PLPPR5: variants seen among roughly 807,000 people sequenced by gnomAD.
PLPPR5 encodes the protein phospholipid phosphatase related 5, also known as phospholipid phosphatase-related protein type 5.
Under a neutral mutation model 33.9 loss-of-function variants are expected in PLPPR5, and 16 were observed. That is an observed-to-expected ratio of 0.47 (90% CI 0.32 to 0.72). The LOEUF (loss-of-function observed/expected upper bound fraction) is 0.72. Ranked by LOEUF, PLPPR5 falls within the 30% of genes least tolerant of loss-of-function variation. The probability of loss-of-function intolerance (pLI) is 0.03; values close to 1 mark genes in which losing one functional copy is unlikely to be tolerated. For synonymous variants in PLPPR5, 163 were observed against 150.3 expected, an observed-to-expected ratio of 1.08 and a Z score of -0.62; for missense variants, 301 against 406.7, an observed-to-expected ratio of 0.74 and a Z score of 2.23.
chr1:98,942,683 C>G (rs1005612570), intron 3 of PLPPR5, among the ~76,000 whole-genome samples: 1 of 152,128 alleles, frequency 6.6e-6, no homozygotes, highest in Non-Finnish European at 1.5e-5. Context: ...GGTGAATTTC[C>G]TGAATTGTCT....
chr1:98,976,997 A>G (rs1453092983), intron 1 of PLPPR5, among the ~76,000 whole-genome samples: 1 of 152,058 alleles, frequency 6.6e-6, no homozygotes, highest in Non-Finnish European at 1.5e-5. Flanking sequence ...TGGAGGAGAC[A>G]GCTGCATAGG....
chr1:98,991,787 C>T (rs1652459571), intron 1 of PLPPR5, among the ~76,000 whole-genome samples: 1 of 152,124 alleles, frequency 6.6e-6, no homozygotes, highest in Non-Finnish European at 1.5e-5. Flanking sequence ...CCTGGGGAAG[C>T]AATGAGTCAG....
intron 3 of PLPPR5, among the ~76,000 whole-genome samples, chr1:98,937,410 G>A (rs1557676032): frequency 6.6e-6 from 1 of 152,136 alleles, no homozygotes; most frequent in Non-Finnish European, 1.5e-5. Context: ...CAATTTGCTT[G>A]TATCAAGAAA....
intron 1 of PLPPR5, among the ~76,000 whole-genome samples, chr1:98,980,386 T>C (rs886952624): frequency 2.0e-5 from 3 of 152,126 alleles, no homozygotes; most frequent in African/African-American, 2.4e-5. Context: ...ATAAAACTTA[T>C]GCAAATCCAA....
In PLPPR5 at chr1:98,978,511, T is replaced by C. The variant is rs112085689; in HGVS notation, c.238-21770A>G. Among the ~76,000 whole-genome samples, 190 of 152,162 alleles carry C rather than the reference T, an allele frequency of 1.2e-3. 1 individual carries two copies. Among genetic ancestry groups the C allele is most frequent in the Middle Eastern group, 6.8e-3 (2 of 294 alleles). ...AGACTAAGTAGAAGAAACATGCTCC[T>C]TGTCTTCAAAACTCCCCATGGACCC... On this transcript the variant is annotated intron_variant, in intron 1 of 5. Coordinates refer to ENST00000263177, the MANE Select transcript of PLPPR5 (RefSeq NM_001037317.2).
rs1024210397 is a variant in PLPPR5, at chr1:98,953,423, G to T, written c.371-103C>A. On this transcript the variant is annotated intron_variant, in intron 2 of 5. Coordinates refer to ENST00000263177, the MANE Select transcript of PLPPR5 (RefSeq NM_001037317.2). ...TTTCAGTTTACAATAAACCAAAATG[G>T]AAATATTTTAGAAACTATAAAATAT... 29 of 1,442,700 alleles carry T rather than the reference G, an allele frequency of 2.0e-5. No homozygotes were observed. In the African/African-American group the frequency reaches 4.0e-4, roughly 20 times the overall value. 89.4% of individuals were successfully genotyped at this position (1,442,700 alleles called of 1,614,324 possible). A position where few individuals can be genotyped will look rare whatever the true frequency, so the allele number is the denominator to read the frequency against.
intron 1 of PLPPR5, among the ~76,000 whole-genome samples, chr1:98,974,057 T>C (rs749753704): frequency 6.6e-6 from 1 of 151,990 alleles, no homozygotes; most frequent in South Asian, 2.1e-4. Context: ...AAAGGGCACA[T>C]GCAAATAATG....
Position 99,004,680 on chromosome 1 carries a change from C to CCCGGGCCGGGCCGAG in PLPPR5, c.-24_-10dup. On this transcript the variant is annotated 5_prime_UTR_variant, in exon 1 of 6. Coordinates refer to ENST00000263177, the MANE Select transcript of PLPPR5 (RefSeq NM_001037317.2). ...GCGGGCAGCAGGGGCATGCACGCCTCCCGGGCCGGGCCGAGCCGAGCCGAG... is the reference window on the plus strand; with the variant it reads ...GCGGGCAGCAGGGGCATGCACGCCTCCCGGGCCGGGCCGAGCCGGGCCGGGCCGAGCCGAGCCGAG... 6.3e-7 allele frequency: 1 copy of CCCGGGCCGGGCCGAG among 1,588,068 alleles called. No individual in the cohort carries two copies.
At chr1:98,964,980 T>C (rs1651380113) in intron 1 of PLPPR5, among the ~76,000 whole-genome samples, 1 of 150,638 alleles carries the variant, frequency 6.6e-6, no homozygotes. Flanking sequence ...TTGATTTTTT[T>C]TTTTTTTTTT....
intron 5 of PLPPR5, among the ~76,000 whole-genome samples, chr1:98,905,099 A>T (rs1027846070): frequency 6.6e-6 from 1 of 152,072 alleles, no homozygotes; most frequent in African/African-American, 2.4e-5. Flanking sequence ...CTGCTCTCTT[A>T]TTCTCCTCTC....
Position 99,003,816 on chromosome 1 carries a change from C to T in PLPPR5, c.237+619G>A, listed in dbSNP as rs1339501728. Among the ~76,000 whole-genome samples the T allele has an allele frequency of 2.0e-5, 3 of 152,356 alleles. No individual in the cohort carries two copies. In the East Asian group the frequency reaches 5.8e-4, roughly 29 times the overall value. ...AAGTGCTCTTGTAATTGAGGTACAGCTCCTGCTTTTCAGCAAAGCACTGGT... is the reference window on the plus strand; with the variant it reads ...AAGTGCTCTTGTAATTGAGGTACAGTTCCTGCTTTTCAGCAAAGCACTGGT... On this transcript the variant is annotated intron_variant, in intron 1 of 5. Coordinates refer to ENST00000263177, the MANE Select transcript of PLPPR5 (RefSeq NM_001037317.2).
intron 3 of PLPPR5, among the ~76,000 whole-genome samples, chr1:98,933,010 C>A (rs903406998): frequency 2.0e-5 from 3 of 152,120 alleles, no homozygotes; most frequent in Non-Finnish European, 2.9e-5. Context: ...CCCATTGATA[C>A]CTCCAGTGTG....
rs545183201 is a variant in PLPPR5, at chr1:98,961,809, T to C, written c.238-5068A>G. On this transcript the variant is annotated intron_variant, in intron 1 of 5. Coordinates refer to ENST00000263177, the MANE Select transcript of PLPPR5 (RefSeq NM_001037317.2). ...CAGTGAGTTACAGACCTAAGTTCTA[T>C]ATTATCTGGCATTTTATTTTGGCTC... Among the ~76,000 whole-genome samples the C allele has an allele frequency of 2.6e-5, 4 of 152,290 alleles. No individual in the cohort carries two copies. In the South Asian group the frequency reaches 6.2e-4, roughly 24 times the overall value.
chr1:98,969,819 T>A (rs1304635755), intron 1 of PLPPR5, among the ~76,000 whole-genome samples: 1 of 152,028 alleles, frequency 6.6e-6, no homozygotes, highest in Admixed American at 6.6e-5. Context: ...AGTACATGTT[T>A]CTGTTGTACA....
At chr1:98,894,500 CA>C (rs1401205088) in intron 5 of PLPPR5, among the ~76,000 whole-genome samples, 1 of 152,000 alleles carries the variant, frequency 6.6e-6, no homozygotes, top group African/African-American at 2.4e-5. Flanking sequence ...TGTTTCAGCA[CA>C]AAACCGTCAT....
In PLPPR5 at chr1:98,953,002, A is replaced by C. The variant is rs1391512619; in HGVS notation, c.621+68T>G. On this transcript the variant is annotated intron_variant, in intron 3 of 5. Coordinates refer to ENST00000263177, the MANE Select transcript of PLPPR5 (RefSeq NM_001037317.2). ...GTGACTTTCATTATGGCAGAGAAAA[A>C]GAATTTCTACATTGGAAAAATTAAC... is the stretch of plus-strand genomic sequence containing the variant. 4 of 1,566,028 alleles carry C rather than the reference A, an allele frequency of 2.6e-6. No individual in the cohort carries two copies. In the African/African-American group the frequency reaches 5.5e-5, roughly 21 times the overall value.
intron 5 of PLPPR5, among the ~76,000 whole-genome samples, chr1:98,898,448 A>T (rs1421575172): frequency 3.3e-5 from 5 of 152,090 alleles, no homozygotes; most frequent in African/African-American, 1.2e-4. Flanking sequence ...TGCTTCATTC[A>T]CTGTGTCCTT....
At chr1:98,933,482 C>CAG (rs537130634) in intron 3 of PLPPR5, among the ~76,000 whole-genome samples, 2 of 89,340 alleles carry the variant, frequency 2.2e-5, no homozygotes, top group African/African-American at 8.1e-5. Flanking sequence ...GACTCCGTCT[C>CAG]AAAAAAAAAA....
At chr1:98,961,394 C>G (rs894511217) in intron 1 of PLPPR5, among the ~76,000 whole-genome samples, 3 of 152,164 alleles carry the variant, frequency 2.0e-5, no homozygotes, top group Non-Finnish European at 4.4e-5. Context: ...TCAGCTTGAC[C>G]TCAACAGAGG....
Sources: gnomAD v4.1 joint callset for allele counts (sites outside exome capture counted in the v4.1 genomes callset) on GRCh38, gnomAD v4.1.1 for gene constraint, MANE v1.5 for transcripts, NCBI Gene and HGNC (gene_info 2026-07-23, HGNC 2026-07-21) for gene names.